CERS6: variants seen among roughly 807,000 people sequenced by gnomAD.
CERS6 encodes ceramide synthase 6.
Under a neutral mutation model 56.8 loss-of-function variants are expected in CERS6, and 26 were observed. The observed-to-expected ratio is 0.46, with a 90% CI of 0.34 to 0.63. CERS6 has a LOEUF of 0.63. Among genes scored for constraint, CERS6 ranks in the 30% least tolerant of loss-of-function variants. CERS6 has a pLI of 0.01. For missense variants in CERS6, 415 were observed against 467.5 expected, an observed-to-expected ratio of 0.89 and a Z score of 1.04; for synonymous variants, 164 against 173.3, an observed-to-expected ratio of 0.95 and a Z score of 0.42.
At chr2:168,649,210 C>T (rs938862155) in intron 4 of CERS6, among the ~76,000 whole-genome samples, 2 of 152,116 alleles carry the variant, frequency 1.3e-5, no homozygotes, top group African/African-American at 4.8e-5. Flanking sequence ...CATTGATCCT[C>T]TCCCTGGCCC....
chr2:168,528,520 G>C (rs1695109687), intron 1 of CERS6, among the ~76,000 whole-genome samples: 1 of 152,158 alleles, frequency 6.6e-6, no homozygotes, highest in Non-Finnish European at 1.5e-5. Flanking sequence ...TGTGATTTCT[G>C]TTTTCCTGAC....
intron 8 of CERS6, among the ~76,000 whole-genome samples, chr2:168,724,068 C>T (rs932572780): frequency 6.6e-6 from 1 of 152,138 alleles, no homozygotes; most frequent in Non-Finnish European, 1.5e-5. Flanking sequence ...CGGACCCTTG[C>T]GGTGAGTGTT....
intron 1 of CERS6, among the ~76,000 whole-genome samples, chr2:168,487,287 A>G (rs1476713357): frequency 6.6e-6 from 1 of 152,198 alleles, no homozygotes; most frequent in African/African-American, 2.4e-5. Context: ...ACTCTGATCC[A>G]TGGGTCTTAG....
intron 3 of CERS6, among the ~76,000 whole-genome samples, chr2:168,599,670 T>C (rs1373019181): frequency 6.6e-6 from 1 of 152,222 alleles, no homozygotes; most frequent in Non-Finnish European, 1.5e-5. Context: ...ATTTGAGAGC[T>C]TTATGTTGGT....
chr2:168,594,464 G>A (rs1045126735), intron 3 of CERS6, among the ~76,000 whole-genome samples: 9 of 152,170 alleles, frequency 5.9e-5, no homozygotes, highest in East Asian at 5.8e-4. Context: ...ATGTGCCTGT[G>A]GTCCCAGTTA....
At chr2:168,607,230 A>G (rs914532575) in intron 3 of CERS6, among the ~76,000 whole-genome samples, 1 of 152,108 alleles carries the variant, frequency 6.6e-6, no homozygotes, top group Non-Finnish European at 1.5e-5. Context: ...ATGTTTACTA[A>G]CTGGCCTTCT....
chr2:168,752,079 G>T (rs895736880), intron 8 of CERS6, among the ~76,000 whole-genome samples: 1 of 152,090 alleles, frequency 6.6e-6, no homozygotes, highest in Non-Finnish European at 1.5e-5. Context: ...GGAGTACCCA[G>T]ATATCTTCAT....
chr2:168,630,188 A>G (rs1684681393), intron 3 of CERS6, among the ~76,000 whole-genome samples: 2 of 151,860 alleles, frequency 1.3e-5, no homozygotes, highest in Admixed American at 1.3e-4. Context: ...GATATCAGGA[A>G]TGCCATTTAG....
At chr2:168,524,763 T>C (rs1487695425) in intron 1 of CERS6, among the ~76,000 whole-genome samples, 1 of 152,114 alleles carries the variant, frequency 6.6e-6, no homozygotes, top group African/African-American at 2.4e-5. Flanking sequence ...GTATGTGATA[T>C]GTACTTACAC....
At chr2:168,697,421 T>C (rs1372485501) in intron 6 of CERS6, among the ~76,000 whole-genome samples, 3 of 152,222 alleles carry the variant, frequency 2.0e-5, no homozygotes, top group Non-Finnish European at 2.9e-5. Flanking sequence ...TGTCAATACA[T>C]GTAGACTGAT....
At chr2:168,594,922 G>A (rs74981959) in intron 3 of CERS6, among the ~76,000 whole-genome samples, 3,527 of 152,264 alleles carry the variant, frequency 0.023, 139 homozygotes, top group East Asian at 0.18. Flanking sequence ...TTCAGTGAAT[G>A]TATGGTGGTT....
chr2:168,626,443 T>C (rs1402743824), intron 3 of CERS6, among the ~76,000 whole-genome samples: 2 of 152,178 alleles, frequency 1.3e-5, no homozygotes. Flanking sequence ...ATGCTCTGAT[T>C]TCCTGCTTCA....
chr2:168,611,095 C>T (rs1372655012), intron 3 of CERS6, among the ~76,000 whole-genome samples: 1 of 152,204 alleles, frequency 6.6e-6, no homozygotes, highest in African/African-American at 2.4e-5. Context: ...AGACATGAGC[C>T]AGTGTGCCTG....
chr2:168,622,741 T>C (rs924936155), intron 3 of CERS6, among the ~76,000 whole-genome samples: 1 of 152,186 alleles, frequency 6.6e-6, no homozygotes, highest in African/African-American at 2.4e-5. Context: ...AGAAAACTAT[T>C]TGGAGTTACA....
chr2:168,483,946 C>T (rs1266780683), intron 1 of CERS6, among the ~76,000 whole-genome samples: 3 of 151,986 alleles, frequency 2.0e-5, no homozygotes, highest in Admixed American at 6.6e-5. Context: ...TAACAAGTTC[C>T]CTGGTTATGC....
intron 1 of CERS6, among the ~76,000 whole-genome samples, chr2:168,510,787 A>G (rs1158518945): frequency 2.6e-5 from 4 of 152,168 alleles, no homozygotes; most frequent in African/African-American, 9.7e-5. Flanking sequence ...TAAGGGCTCA[A>G]TGTGCTGGGT....
At chr2:168,663,965 C>G (rs60183865) in intron 4 of CERS6, among the ~76,000 whole-genome samples, 1 of 151,488 alleles carries the variant, frequency 6.6e-6, no homozygotes, top group African/African-American at 2.4e-5. Flanking sequence ...CTCCCAGCAA[C>G]TATATAAAAA....
At chr2:168,662,406 T>C (rs959184373) in intron 4 of CERS6, among the ~76,000 whole-genome samples, 19 of 152,040 alleles carry the variant, frequency 1.2e-4, no homozygotes, top group African/African-American at 4.1e-4. Context: ...AGACAGGCAG[T>C]GTCTGAAGGG....
At chr2:168,585,576 G>A (rs1202656222) in intron 3 of CERS6, among the ~76,000 whole-genome samples, 1 of 152,224 alleles carries the variant, frequency 6.6e-6, no homozygotes, top group Admixed American at 6.5e-5. Flanking sequence ...GTCATATAGG[G>A]AAAGGTCTTT....
Sources: gnomAD v4.1 joint callset for allele counts (sites outside exome capture counted in the v4.1 genomes callset) on GRCh38, gnomAD v4.1.1 for gene constraint, MANE v1.5 for transcripts, NCBI Gene and HGNC (gene_info 2026-07-23, HGNC 2026-07-21) for gene names.